The following ANO7 variants were observed in gnomAD, a reference collection of about 807,000 sequenced individuals.
ANO7 encodes the protein anoctamin 7, also known as anoctamin-7.
A neutral mutation model predicts 115.8 loss-of-function variants in ANO7; 114 were observed. That is an observed-to-expected ratio of 0.98 (90% CI 0.85 to 1.15). The LOEUF is 1.15. Ranked by LOEUF, ANO7 falls within the 50% of genes most tolerant of loss-of-function variation. ANO7 has a pLI of 0.00. For synonymous variants in ANO7, 550 were observed against 498.2 expected, an observed-to-expected ratio of 1.10 and a Z score of -1.38; for missense variants, 1,302 against 1,201.2, an observed-to-expected ratio of 1.08 and a Z score of -1.24.
At chr2:241,200,317 C>G in intron 6 of ANO7, 92 bp downstream of exon 6, 1 of 1,493,264 alleles carries the variant, frequency 6.7e-7, no homozygotes, top group Non-Finnish European at 9.0e-7. Context: ...CCCCAGGACT[C>G]TCCTCACCTG....
At chr2:241,191,339 G>A in intron 3 of ANO7, 88 bp downstream of exon 3, 1 of 1,535,912 alleles carries the variant, frequency 6.5e-7, no homozygotes, top group Non-Finnish European at 8.9e-7. Context: ...AGCAGGCTGG[G>A]GTAGCCTCCT....
Position 241,217,850 on chromosome 2 carries a change from C to T in ANO7, c.2137C>T (p.His713Tyr), listed in dbSNP as rs750767953. ...CGCCCAGGACATCGGCATCTGGTTC[C>T]ACATCCTGGCGGGCCTCACGCACCT... ...ERAQDIGIWF[H>Y]ILAGLTHLAV... Residue 713 changes from histidine to tyrosine, a missense_variant, in exon 20 of 25, where the codon CAC becomes TAC. His to Tyr is a moderately conservative substitution (Grantham distance 83). Transcript: ENST00000674324. The T allele has an allele frequency of 1.1e-5, 18 of 1,605,956 alleles. No individual in the cohort carries two copies. In the Admixed American group the frequency reaches 3.0e-4, roughly 27 times the overall value.
chr2:241,230,046 GCCTCTGGAAACACAAGTGC>G, downstream of ANO7: 3 of 1,581,066 alleles, frequency 1.9e-6, no homozygotes, highest in South Asian at 3.4e-5. This position sits in a 1 kb window ranked among gnomAD's most constrained non-coding sequence, Gnocchi z 5.0. Context: ...CACCTCGCCT[GCCTCTGGAAACACAAGTGC>G]CACCTTGTCC....
chr2:241,217,544 A>C (rs527573649), intron 19 of ANO7, 142 bp from the exon 20 acceptor site: 1 of 969,538 alleles, frequency 1.0e-6, no homozygotes, highest in South Asian at 1.6e-5. Flanking sequence ...GTCCAGGACG[A>C]GGGAGACCAG....
intron 3 of ANO7, among the ~76,000 whole-genome samples, chr2:241,191,716 C>G (rs1029447108): frequency 6.6e-6 from 1 of 151,534 alleles, no homozygotes; most frequent in East Asian, 1.9e-4. Context: ...CCCCGCCCAC[C>G]CTGCTGTCCC....
At position 241,203,394 on chromosome 2, in the gene ANO7, T is replaced by C; in HGVS notation, c.785T>C (p.Leu262Pro). 6.3e-7 allele frequency: 1 copy of C among 1,599,706 alleles called. No individual in the cohort carries two copies. Among genetic ancestry groups the C allele is most frequent in the East Asian group, 2.3e-5 (1 of 43,512 alleles). Residue 262 changes from leucine to proline, a missense_variant, in exon 9 of 25, where the codon CTT (leucine) becomes CCT (proline). By Grantham distance (98) the Leu-to-Pro change is moderately conservative. Transcript: ENST00000674324. The surrounding 1 kb of genome is among the most constrained non-coding windows in gnomAD (Gnocchi z 4.8). Reference protein sequence around the residue: ...QAPRLNQRQVLFQHWARWGKW... With the variant: ...QAPRLNQRQVPFQHWARWGKW... ...CCACGCCTCAACCAGCGCCAAGTCC[T>C]TTTCCAGCACTGGGCGCGCTGGGGC...
chr2:241,236,989 G>C, the ANO7 span, among the ~76,000 whole-genome samples: 13 of 150,468 alleles, frequency 8.6e-5, 1 homozygote, highest in East Asian at 3.9e-4. Context: ...GGGGGGGGGG[G>C]GGGGGCGGCA....
At chr2:241,196,437 C>T (rs888928321) in intron 4 of ANO7, among the ~76,000 whole-genome samples, 2 of 152,200 alleles carry the variant, frequency 1.3e-5, no homozygotes, top group Non-Finnish European at 2.9e-5. Flanking sequence ...TCTGTCCAAG[C>T]GGCTCCTTCC....
intron 15 of ANO7, among the ~76,000 whole-genome samples, 168 bp from the exon 16 acceptor site, chr2:241,211,926 G>A (rs1456166712): frequency 6.6e-6 from 1 of 152,216 alleles, no homozygotes; most frequent in Non-Finnish European, 1.5e-5. Context: ...TAATCAACAT[G>A]TTTTTGGGTG....
chr2:241,209,430 T>A lies in ANO7; in HGVS notation c.1221+2T>A. ...TGCTCTGACTACGAGGACACTGAGG[T>A]GAGCCACCCCCGCTGGACCACGGTC... On this transcript the variant is annotated splice_donor_variant, in intron 12 of 24. Coordinates refer to ENST00000674324, the MANE Select transcript of ANO7 (RefSeq NM_001370694.2). LOFTEE classifies it high-confidence loss of function. 1 of 1,594,090 alleles carries A rather than the reference T, an allele frequency of 6.3e-7. No homozygotes were observed.
chr2:241,191,375 T>C (rs1374886334), intron 3 of ANO7, 124 bp downstream of exon 3: 31 of 1,231,644 alleles, frequency 2.5e-5, no homozygotes, highest in Non-Finnish European at 3.4e-5. Flanking sequence ...GGCCAGTTGC[T>C]TGGGGATGGG....
chr2:241,224,243 CTG>C lies in ANO7; in HGVS notation c.*95_*96del. 6 of 1,415,170 alleles carry C rather than the reference CTG, an allele frequency of 4.2e-6. No individual in the cohort carries two copies. The highest frequency in any genetic ancestry group is 5.9e-6 in the Non-Finnish European group (6 of 1,019,388). 87.7% of individuals were successfully genotyped at this position (1,415,170 alleles called of 1,614,324 possible). The stretch of plus-strand genomic sequence containing the variant: ...CTTTTCCTCTTCCCTCAGGCAGCGG[CTG>C]TGTGAACCGCTGGCTGCTGTTGTGC... On this transcript the variant is annotated 3_prime_UTR_variant, in exon 25 of 25. Transcript: ENST00000674324.
Position 241,203,220 on chromosome 2 carries a change from C to A in ANO7, c.724-113C>A. The A allele has an allele frequency of 4.1e-5, 30 of 731,966 alleles. No homozygotes were observed. Among genetic ancestry groups the A allele is most frequent in the Non-Finnish European group, 4.5e-5 (22 of 489,322 alleles). 45.3% of individuals were successfully genotyped at this position (731,966 alleles called of 1,614,324 possible). A position where few individuals can be genotyped will look rare whatever the true frequency, so the allele number is the denominator to read the frequency against. On this transcript the variant is annotated intron_variant, in intron 8 of 24. Coordinates refer to ENST00000674324, the MANE Select transcript of ANO7 (RefSeq NM_001370694.2). The surrounding 1 kb of genome is among the most constrained non-coding windows in gnomAD (Gnocchi z 4.8). Reference sequence around the variant, plus strand: ...CTCTATTTTTTCTTCATGGAGCAATCCCAGACTCCCAGGCCTGTCTGCCCA... The same window carrying A: ...CTCTATTTTTTCTTCATGGAGCAATACCAGACTCCCAGGCCTGTCTGCCCA...
In ANO7 at chr2:241,199,515, T is replaced by C. The variant is rs2068420402; in HGVS notation, c.417+92T>C. Reference sequence around the variant, plus strand: ...CCAGTGCCGACAGCCTCAGGAGGGCTCCCTGCTCAGAGGCCTCAGGGGCTC... The same window carrying C: ...CCAGTGCCGACAGCCTCAGGAGGGCCCCCTGCTCAGAGGCCTCAGGGGCTC... On this transcript the variant is annotated intron_variant, in intron 5 of 24. Transcript: ENST00000674324. The C allele has an allele frequency of 5.3e-6, 7 of 1,331,866 alleles. No homozygotes were observed. The Admixed American group carries it at 5.7e-5, about 11-fold the overall frequency. 82.5% of individuals were successfully genotyped at this position (1,331,866 alleles called of 1,614,324 possible). A position where few individuals can be genotyped will look rare whatever the true frequency, so the allele number is the denominator to read the frequency against.
chr2:241,201,395 C>A (rs767103308), intron 7 of ANO7, 40 bp downstream of exon 7: 178 of 1,598,078 alleles, frequency 1.1e-4, no homozygotes, highest in Non-Finnish European at 1.4e-4. Flanking sequence ...AAACCCTGAC[C>A]TGGCTCTGAG....
chr2:241,202,313 G>A lies in ANO7; in HGVS notation c.723+9G>A, dbSNP rs754050775. 1.5e-5 allele frequency: 24 copies of A among 1,609,102 alleles called. No homozygotes were observed. Among genetic ancestry groups the A allele is most frequent in the South Asian group, 5.5e-5 (5 of 91,030 alleles). ...CCTTCCCCCTGCATGACGTGAGCTCGGGGGCTGGGGGCTCCAGCCTGGGTA... is the reference window on the plus strand; with the variant it reads ...CCTTCCCCCTGCATGACGTGAGCTCAGGGGCTGGGGGCTCCAGCCTGGGTA... On this transcript the variant is annotated intron_variant, in intron 8 of 24. Transcript: ENST00000674324.
chr2:241,233,852 T>A, the ANO7 span: 1 of 1,614,184 alleles, frequency 6.2e-7, no homozygotes, highest in Non-Finnish European at 8.5e-7. This position sits in a 1 kb window ranked among gnomAD's most constrained non-coding sequence, Gnocchi z 4.3. Flanking sequence ...GGAAACTGGA[T>A]GTTCACGTCA....
At chr2:241,208,692 C>T (rs575260561) in intron 11 of ANO7, among the ~76,000 whole-genome samples, 2 of 152,320 alleles carry the variant, frequency 1.3e-5, no homozygotes, top group Admixed American at 1.3e-4. Context: ...CAGCATCCTC[C>T]AAAGTCTCAA....
chr2:241,236,816 C>A, the ANO7 span: 16 of 1,592,818 alleles, frequency 1.0e-5, no homozygotes, highest in East Asian at 3.1e-4. Context: ...CTGGAAGAGA[C>A]CCCACACCTT....
Sources: allele counts gnomAD v4.1 joint callset (sites outside exome capture counted in the v4.1 genomes callset), GRCh38; gene constraint gnomAD v4.1.1; non-coding constraint Gnocchi (gnomAD v3.1); transcripts MANE v1.5; gene names NCBI Gene and HGNC (gene_info 2026-07-23, HGNC 2026-07-21).